Variants in PDE10A observed in about 807,000 individuals in gnomAD.
PDE10A encodes cAMP and cAMP-inhibited cGMP 3',5'-cyclic phosphodiesterase 10A.
In PDE10A, 39 loss-of-function variants were observed where a neutral mutation model predicts 97.7. That is an observed-to-expected ratio of 0.40 (90% CI 0.31 to 0.52). The LOEUF (loss-of-function observed/expected upper bound fraction) is 0.52, where lower values mean the gene tolerates loss of function less well. PDE10A is among the 20% of genes least tolerant of loss of function. The pLI is 0.56. For synonymous variants in PDE10A, 371 were observed against 376.8 expected (o/e 0.98, Z 0.18); for missense variants, 731 against 1,047.8 (o/e 0.70, Z 4.17).
At chr6:165,536,577 A>G (rs113116190) in intron 2 of PDE10A, among the ~76,000 whole-genome samples, 1 of 151,950 alleles carries the variant, frequency 6.6e-6, no homozygotes, top group Non-Finnish European at 1.5e-5. Context: ...CTGAACAGGA[A>G]TAAGGAACTC....
At chr6:165,907,652 G>C (rs1782332314) in intron 1 of PDE10A, among the ~76,000 whole-genome samples, 1 of 152,206 alleles carries the variant, frequency 6.6e-6, no homozygotes, top group African/African-American at 2.4e-5. Context: ...ATCGTGGTTT[G>C]TGAAATCCAG....
At chr6:165,442,450 C>T (rs1437259742) in intron 5 of PDE10A, among the ~76,000 whole-genome samples, 4 of 152,058 alleles carry the variant, frequency 2.6e-5, no homozygotes, top group Non-Finnish European at 1.5e-5. Flanking sequence ...ACTGTGAGGC[C>T]TCAGGAAACT....
rs6938313 is a variant in PDE10A at position 165,877,198 on chromosome 6, A to C, written c.-615+110331T>G. Among the ~76,000 whole-genome samples, 598 of 152,236 alleles carry C rather than the reference A, an allele frequency of 3.9e-3. 5 individuals are homozygous for C. The highest frequency in any genetic ancestry group is 0.014 in the African/African-American group (572 of 41,540). On this transcript the variant is annotated intron_variant, in intron 1 of 19. Coordinates refer to the PDE10A transcript ENST00000366882. ...TTACACCTCATTGACAAGCCCCATC[A>C]TTTAGTCTCCTTTCAGAAATGAAGC...
At chr6:165,575,064 C>T (rs986601197) in intron 1 of PDE10A, among the ~76,000 whole-genome samples, 1 of 152,132 alleles carries the variant, frequency 6.6e-6, no homozygotes, top group African/African-American at 2.4e-5. Context: ...ACACTGTGGT[C>T]ACTGTTCATC....
chr6:165,353,527 C>T (rs1678384805), intron 18 of PDE10A, among the ~76,000 whole-genome samples: 1 of 152,026 alleles, frequency 6.6e-6, no homozygotes, highest in African/African-American at 2.4e-5. Context: ...ATGGTACATC[C>T]ACACAATGCA....
At chr6:165,344,241 C>A (rs1467800055) in intron 18 of PDE10A, among the ~76,000 whole-genome samples, 2 of 152,212 alleles carry the variant, frequency 1.3e-5, no homozygotes, top group East Asian at 3.9e-4. Flanking sequence ...AAAGACATAT[C>A]CCCTGCAATT....
intron 1 of PDE10A, among the ~76,000 whole-genome samples, chr6:165,912,535 T>A (rs118164847): frequency 2.2e-4 from 33 of 152,306 alleles, no homozygotes; most frequent in Non-Finnish European, 4.6e-4. Context: ...TTTCTTGCCT[T>A]TGATGGTTGA....
intron 18 of PDE10A, among the ~76,000 whole-genome samples, chr6:165,368,677 G>C (rs1254251495): frequency 1.3e-5 from 2 of 152,212 alleles, no homozygotes; most frequent in African/African-American, 2.4e-5. Flanking sequence ...TTAAAAAGCA[G>C]TGATTTCAGA....
intron 1 of PDE10A, among the ~76,000 whole-genome samples, chr6:165,650,804 C>T (rs927668208): frequency 6.6e-6 from 1 of 150,862 alleles, no homozygotes; most frequent in African/African-American, 2.4e-5. Context: ...GTGGTGTGAT[C>T]TCAGCTCACT....
intron 1 of PDE10A, among the ~76,000 whole-genome samples, chr6:165,919,398 C>A (rs924072411): frequency 3.3e-5 from 5 of 152,196 alleles, no homozygotes; most frequent in Non-Finnish European, 4.4e-5. Flanking sequence ...TAGGGGATAA[C>A]CTTGTGGCTT....
intron 1 of PDE10A, among the ~76,000 whole-genome samples, chr6:165,592,179 AC>A (rs1259932654): frequency 5.3e-5 from 8 of 152,198 alleles, no homozygotes; most frequent in African/African-American, 1.9e-4. Context: ...CTGATCTTTG[AC>A]AAACCTGACA....
chr6:165,336,111 C>CAT lies in PDE10A; in HGVS notation c.3065+10_3065+11dup. ...GAAACAATATTTTTACGGCTTGAAC[C>CAT]ATAGTACATACCTGCATGCTTTCAG... On this transcript the variant is annotated intron_variant, in intron 21 of 21. Transcript: ENST00000539869. 1 of 1,586,022 alleles carries CAT rather than the reference C, an allele frequency of 6.3e-7. No homozygotes were observed. Among genetic ancestry groups the CAT allele is most frequent in the Non-Finnish European group, 8.7e-7 (1 of 1,154,916 alleles).
intron 1 of PDE10A, among the ~76,000 whole-genome samples, chr6:165,920,573 C>T (rs867738924): frequency 6.6e-6 from 1 of 151,644 alleles, no homozygotes; most frequent in Non-Finnish European, 1.5e-5. Flanking sequence ...CACACACTTA[C>T]ACATACCTGC....
intron 1 of PDE10A, among the ~76,000 whole-genome samples, chr6:165,920,822 A>T (rs1268093123): frequency 1.3e-5 from 2 of 152,148 alleles, no homozygotes; most frequent in African/African-American, 4.8e-5. Flanking sequence ...TAGGGATTTT[A>T]TCTTCTACCA....
intron 10 of PDE10A, among the ~76,000 whole-genome samples, chr6:165,421,086 AT>A (rs1349850043): frequency 1.1e-4 from 16 of 152,218 alleles, no homozygotes; most frequent in Non-Finnish European, 4.4e-5. Context: ...TATTATCATA[AT>A]TCATAATAGC....
At chr6:165,593,784 G>A (rs934895808) in intron 1 of PDE10A, among the ~76,000 whole-genome samples, 3 of 152,082 alleles carry the variant, frequency 2.0e-5, no homozygotes, top group African/African-American at 7.2e-5. Context: ...GAAGTATGTA[G>A]GTCATTCTGA....
intron 1 of PDE10A, among the ~76,000 whole-genome samples, chr6:165,955,021 C>T (rs964235616): frequency 5.9e-5 from 9 of 152,184 alleles, no homozygotes; most frequent in Admixed American, 3.9e-4. Context: ...AGGATCTCCT[C>T]GCTGCCCAGG....
At chr6:165,795,092 C>G (rs140016183) in intron 1 of PDE10A, among the ~76,000 whole-genome samples, 2 of 152,202 alleles carry the variant, frequency 1.3e-5, no homozygotes, top group African/African-American at 2.4e-5. Flanking sequence ...TCTACCTACC[C>G]CACTCTTCCC....
At chr6:165,535,420 C>T (rs913311831) in intron 2 of PDE10A, among the ~76,000 whole-genome samples, 3 of 151,890 alleles carry the variant, frequency 2.0e-5, no homozygotes, top group African/African-American at 7.2e-5. Context: ...ATTCCACTCT[C>T]TATGTCCATG....
Sources: gnomAD v4.1 joint callset for allele counts (sites outside exome capture counted in the v4.1 genomes callset) on GRCh38, gnomAD v4.1.1 for gene constraint, MANE v1.5 for transcripts, NCBI Gene and HGNC (gene_info 2026-07-23, HGNC 2026-07-21) for gene names.